ESR2: variants seen among roughly 807,000 people sequenced by gnomAD.
ESR2 encodes estrogen receptor beta.
Under a neutral mutation model 49.6 loss-of-function variants are expected in ESR2, and 36 were observed. The observed-to-expected ratio is 0.73, with a 90% CI of 0.56 to 0.96. The LOEUF (loss-of-function observed/expected upper bound fraction) is 0.96, where lower values mean the gene tolerates loss of function less well. ESR2 is among the 40% of genes least tolerant of loss of function. The pLI is 0.00. For synonymous variants in ESR2, 320 were observed against 266.1 expected (o/e 1.20, Z -1.97); for missense variants, 714 against 693.0 (o/e 1.03, Z -0.34).
intron 8 of ESR2, chr14:64,234,270 T>G (rs1407418104): frequency 3.3e-5 from 5 of 152,666 alleles, no homozygotes; most frequent in Admixed American, 6.5e-5. Flanking sequence ...TAGACTTGCC[T>G]CCTCAGTGAC....
At chr14:64,324,118 A>G (rs989144291) in intron 1 of ESR2, among the ~76,000 whole-genome samples, 25 of 152,046 alleles carry the variant, frequency 1.6e-4, no homozygotes, top group African/African-American at 5.8e-4. Flanking sequence ...ATGACCACCA[A>G]TGATCTGCAC....
In ESR2 at chr14:64,260,596, C is replaced by T. The variant is rs770714265; in HGVS notation, c.805G>A (p.Val269Met). ...GGCTCAGCCTCCAGGAGGGTGAGCA[C>T]TAGCTGCTCGGGGCTCAGGGCGTCC... ...LLDALSPEQL[V>M]LTLLEAEPPH... The change falls in exon 5 of 9, where the codon GTG becomes ATG. Residue 269 changes from valine to methionine, a missense_variant. Transcript: ENST00000341099. The T allele has an allele frequency of 3.1e-6, 5 of 1,610,536 alleles. No individual in the cohort carries two copies. The highest frequency in any genetic ancestry group is 4.2e-6 in the Non-Finnish European group (5 of 1,178,058).
At chr14:64,301,628 A>T (rs1262038321) in intron 1 of ESR2, 1 of 152,186 alleles carries the variant, frequency 6.6e-6, no homozygotes, top group Non-Finnish European at 1.5e-5. Context: ...CATAGATCAG[A>T]ATTGCCCAGT....
At chr14:64,325,445 G>C (rs1438165926) in intron 1 of ESR2, among the ~76,000 whole-genome samples, 2 of 152,180 alleles carry the variant, frequency 1.3e-5, no homozygotes, top group African/African-American at 2.4e-5. Context: ...AGTTTTTTAA[G>C]AGAATGGAGA....
intron 6 of ESR2, among the ~76,000 whole-genome samples, chr14:64,253,424 C>T (rs373491638): frequency 6.6e-6 from 1 of 152,096 alleles, no homozygotes; most frequent in African/African-American, 2.4e-5. Flanking sequence ...CTCCTGACCT[C>T]AGGTGATCCA....
rs143394538 is a variant in ESR2, at chr14:64,288,712, G to A, written c.-91+5321C>T. ...TTAATAAGAAATCAGTCACCCGGGC[G>A]CGGGTGGCTCATGCCTGTAATCCCA... On this transcript the variant is annotated intron_variant, in intron 1 of 8. Coordinates refer to ENST00000341099, the MANE Select transcript of ESR2 (RefSeq NM_001437.3). Among the ~76,000 whole-genome samples, 115 of 151,172 alleles carry A rather than the reference G, an allele frequency of 7.6e-4. 2 individuals carry two copies. In the East Asian group the frequency reaches 9.3e-3, roughly 12 times the overall value.
intron 4 of ESR2, among the ~76,000 whole-genome samples, chr14:64,263,273 T>C (rs2076256937): frequency 6.6e-6 from 1 of 152,062 alleles, no homozygotes; most frequent in East Asian, 1.9e-4. Flanking sequence ...ACCAGACAAA[T>C]AAACTTTAAG....
chr14:64,331,147 C>G (rs182768421), intron 1 of ESR2, among the ~76,000 whole-genome samples: 1 of 152,120 alleles, frequency 6.6e-6, no homozygotes, highest in African/African-American at 2.4e-5. Flanking sequence ...ATACTTTAAT[C>G]ACATAGAAAG....
chr14:64,246,766 A>AAAC (rs1567739377), intron 7 of ESR2, among the ~76,000 whole-genome samples: 1 of 133,990 alleles, frequency 7.5e-6, no homozygotes, highest in African/African-American at 2.8e-5. Flanking sequence ...AAAAAAAAAA[A>AAAC]ACACACCTGG....
intron 1 of ESR2, among the ~76,000 whole-genome samples, chr14:64,290,841 A>C (rs2076859131): frequency 6.6e-6 from 1 of 152,236 alleles, no homozygotes; most frequent in Non-Finnish European, 1.5e-5. Context: ...CATGTACATA[A>C]GGAAACCCTG....
At chr14:64,245,818 T>A (rs1343310884) in intron 7 of ESR2, among the ~76,000 whole-genome samples, 26 of 152,196 alleles carry the variant, frequency 1.7e-4, no homozygotes, top group Admixed American at 1.7e-3. Flanking sequence ...AAGCAAACAG[T>A]GCTTTCCGAG....
intron 7 of ESR2, among the ~76,000 whole-genome samples, chr14:64,245,719 A>G (rs1157470520): frequency 6.6e-6 from 1 of 152,132 alleles, no homozygotes; most frequent in East Asian, 1.9e-4. Context: ...TAGCTTTGAC[A>G]ACAACACAAT....
chr14:64,249,766 A>C, intron 6 of ESR2, 87 bp from the exon 7 acceptor site: 1 of 1,362,344 alleles, frequency 7.3e-7, no homozygotes, highest in Non-Finnish European at 1.0e-6. Flanking sequence ...TTTAATCTCA[A>C]GTTTCATCTT....
At chr14:64,292,202 A>G (rs2076883102) in intron 1 of ESR2, among the ~76,000 whole-genome samples, 1 of 151,352 alleles carries the variant, frequency 6.6e-6, no homozygotes, top group African/African-American at 2.4e-5. Context: ...TCATCCTATA[A>G]AAAGGGAAAA....
rs140639953 is a variant in ESR2 at position 64,261,440 on chromosome 14, C to T, written c.653-692G>A. On this transcript the variant is annotated intron_variant, in intron 4 of 8. Coordinates refer to ENST00000341099, the MANE Select transcript of ESR2 (RefSeq NM_001437.3). ...CAAAATTATTTATTTATTTTTGAGA[C>T]GGAGTCTCACTCTGTCACCCAGGCT... Among the ~76,000 whole-genome samples, 139 of 152,008 alleles carry T rather than the reference C, an allele frequency of 9.1e-4. 1 individual carries two copies. The East Asian group carries it at 0.026, about 28-fold the overall frequency.
downstream of ESR2, chr14:64,227,714 C>T (rs1407129186): frequency 1.9e-6 from 3 of 1,591,488 alleles, no homozygotes; most frequent in African/African-American, 4.0e-5. Flanking sequence ...GTCTCTTCCT[C>T]AGGATAAGGG....
At chr14:64,250,248 G>T (rs1313236842) in intron 6 of ESR2, among the ~76,000 whole-genome samples, 1 of 152,104 alleles carries the variant, frequency 6.6e-6, no homozygotes, top group Non-Finnish European at 1.5e-5. Context: ...CTATGAGAAA[G>T]AAATCGCAAT....
Position 64,331,554 on chromosome 14 carries a change from C to T in ESR2, c.-91+6344G>A, listed in dbSNP as rs1240188989. ...TAAAAAGATCCTTTGGGGCCGGGCC[C>T]AGTGGCTCACGCTGGTAATCCCAGC... On this transcript the variant is annotated intron_variant, in intron 1 of 8. Coordinates refer to the ESR2 transcript ENST00000358599. Among the ~76,000 whole-genome samples, 8 of 152,252 alleles carry T rather than the reference C, an allele frequency of 5.3e-5. No homozygotes were observed. The South Asian group carries it at 1.7e-3, about 32-fold the overall frequency.
At chr14:64,255,783 G>T (rs1341153600) in intron 6 of ESR2, among the ~76,000 whole-genome samples, 1 of 152,178 alleles carries the variant, frequency 6.6e-6, no homozygotes, top group African/African-American at 2.4e-5. Context: ...GTTACTGAAG[G>T]GTCTTGTGCC....
Sources: gnomAD v4.1 joint callset for allele counts (sites outside exome capture counted in the v4.1 genomes callset) on GRCh38, gnomAD v4.1.1 for gene constraint, MANE v1.5 for transcripts, NCBI Gene and HGNC (gene_info 2026-07-23, HGNC 2026-07-21) for gene names.